The following NFYC variants were observed in gnomAD, a reference collection of about 807,000 sequenced individuals.
The protein encoded by NFYC is nuclear transcription factor Y subunit gamma, also known as CAAT box DNA-binding protein subunit C.
In NFYC, 25 loss-of-function variants were observed where a neutral mutation model predicts 53.1. The observed-to-expected ratio is 0.47, with a 90% CI of 0.34 to 0.66. The LOEUF (loss-of-function observed/expected upper bound fraction) is 0.66. Ranked by LOEUF, NFYC falls within the 30% of genes least tolerant of loss-of-function variation. NFYC has a pLI of 0.01. For missense variants in NFYC, 260 were observed against 422.7 expected, an observed-to-expected ratio of 0.62 and a Z score of 3.38; for synonymous variants, 145 against 152.6, an observed-to-expected ratio of 0.95 and a Z score of 0.37.
chr1:40,765,256 G>T (rs1181339260), intron 7 of NFYC, among the ~76,000 whole-genome samples: 4 of 152,326 alleles, frequency 2.6e-5, no homozygotes, highest in Admixed American at 6.5e-5. Flanking sequence ...ATGACTGCAG[G>T]TCCTAATACT....
chr1:40,712,657 C>CG (rs1171425155), intron 1 of NFYC: 3 of 112,028 alleles, frequency 2.7e-5, no homozygotes, highest in Non-Finnish European at 3.6e-5. Flanking sequence ...GGGATTAATG[C>CG]CTTTTTTTTT....
chr1:40,712,018 G>A (rs200528168), intron 1 of NFYC, among the ~76,000 whole-genome samples: 1 of 152,158 alleles, frequency 6.6e-6, no homozygotes, highest in African/African-American at 2.4e-5. Flanking sequence ...ATTTAGTGGC[G>A]AGTCTTGAAT....
At position 40,771,148 on chromosome 1, in the gene NFYC, T is replaced by G. The variant is rs142519404; in HGVS notation, c.*320T>G. 1.3e-5 allele frequency: 5 copies of G among 397,096 alleles called. No homozygotes were observed. The highest frequency in any genetic ancestry group is 1.0e-4 in the African/African-American group (5 of 49,172). The allele number at this position is 397,096 out of a possible 1,614,324, so 24.6% of individuals were successfully genotyped here. On this transcript the variant is annotated 3_prime_UTR_variant, in exon 10 of 10. Coordinates refer to ENST00000447388, the MANE Select transcript of NFYC (RefSeq NM_014223.5). ...CTTGAAGAGTGTGGTTGAAGAAATA[T>G]TTCTCCTTTTGTTTTTCTTTTTTTT... is the stretch of plus-strand genomic sequence containing the variant.
chr1:40,707,654 G>T (rs1007384851), intron 1 of NFYC, among the ~76,000 whole-genome samples: 2 of 133,528 alleles, frequency 1.5e-5, no homozygotes, highest in African/African-American at 5.4e-5. Context: ...TTTAAAAAAA[G>T]AAAAAAAAAA....
At chr1:40,722,300 A>G (rs1034100647) in intron 1 of NFYC, among the ~76,000 whole-genome samples, 6 of 152,188 alleles carry the variant, frequency 3.9e-5, no homozygotes, top group Non-Finnish European at 8.8e-5. Context: ...GAACGTTCCC[A>G]TGTTCAGCTT....
At chr1:40,744,734 A>G (rs778877939) in intron 2 of NFYC, among the ~76,000 whole-genome samples, 4 of 152,218 alleles carry the variant, frequency 2.6e-5, no homozygotes, top group Non-Finnish European at 4.4e-5. Context: ...CTGTTCTTCC[A>G]GTTGAATCAG....
intron 1 of NFYC, among the ~76,000 whole-genome samples, chr1:40,700,906 C>T (rs1290453753): frequency 2.0e-5 from 3 of 152,088 alleles, no homozygotes; most frequent in Non-Finnish European, 4.4e-5. Flanking sequence ...CCACTGTGTC[C>T]CCTTCTCCAG....
chr1:40,765,576 T>TC (rs1388001316), intron 7 of NFYC, among the ~76,000 whole-genome samples: 23 of 152,176 alleles, frequency 1.5e-4, no homozygotes, highest in Non-Finnish European at 2.8e-4. Context: ...ACAAGAAGCT[T>TC]CCCCTTGCAA....
rs189787200 is a variant in NFYC, at chr1:40,719,169, C to T, written c.-8-19667C>T. 5.6e-4 allele frequency among the ~76,000 whole-genome samples: 85 copies of T among 152,286 alleles called. 2 individuals are homozygous for T. In the East Asian group the frequency reaches 0.01, roughly 19 times the overall value. ...CAGGCGTGAGCCACGGCGCCTGGCC[C>T]ATGGTGTTCTTAAATAATCCGTTGC... is the stretch of plus-strand genomic sequence containing the variant. On this transcript the variant is annotated intron_variant, in intron 1 of 9. Transcript: ENST00000447388.
At chr1:40,698,509 C>G (rs1164511846) in intron 1 of NFYC, among the ~76,000 whole-genome samples, 1 of 151,766 alleles carries the variant, frequency 6.6e-6, no homozygotes, top group Non-Finnish European at 1.5e-5. Flanking sequence ...TCACTGCAAC[C>G]TCTGCCTTTT....
intron 1 of NFYC, among the ~76,000 whole-genome samples, chr1:40,708,879 G>A (rs1471088825): frequency 6.6e-6 from 1 of 152,114 alleles, no homozygotes; most frequent in Non-Finnish European, 1.5e-5. Flanking sequence ...TTGCTTCTCT[G>A]GTCTATTGCC....
chr1:40,756,009 A>G (rs892723075), intron 5 of NFYC, among the ~76,000 whole-genome samples: 4 of 152,088 alleles, frequency 2.6e-5, no homozygotes, highest in Admixed American at 1.3e-4. Flanking sequence ...CCTGCTGCCT[A>G]GCTTCCTACA....
At chr1:40,744,361 A>G (rs78244370) in intron 2 of NFYC, among the ~76,000 whole-genome samples, 3,597 of 152,280 alleles carry the variant, frequency 0.024, 66 homozygotes, top group Middle Eastern at 0.058. Flanking sequence ...TTGTTTTTCA[A>G]AAGCTTTTCA....
chr1:40,735,848 C>A, intron 1 of NFYC: 6 of 568,762 alleles, frequency 1.1e-5, no homozygotes, highest in South Asian at 7.8e-5. Flanking sequence ...TCACTGTCTT[C>A]ATTTTCATGA....
chr1:40,766,203 G>A (rs1557935532), intron 7 of NFYC: 2 of 178,708 alleles, frequency 1.1e-5, no homozygotes. Flanking sequence ...TCTCTTTACA[G>A]ATGGGAGCGA....
chr1:40,717,178 A>G (rs1422988058), intron 1 of NFYC, among the ~76,000 whole-genome samples: 1 of 152,210 alleles, frequency 6.6e-6, no homozygotes, highest in South Asian at 2.1e-4. Flanking sequence ...GAGAATTGAC[A>G]GAAGACTAGT....
chr1:40,754,572 T>G (rs1237645692), intron 5 of NFYC: 1 of 382,344 alleles, frequency 2.6e-6, no homozygotes, highest in Non-Finnish European at 5.4e-6. Context: ...GCCATTTATC[T>G]TCCTTCAGAA....
At chr1:40,694,155 T>G (rs1422590109) in intron 1 of NFYC, among the ~76,000 whole-genome samples, 1 of 152,246 alleles carries the variant, frequency 6.6e-6, no homozygotes, top group East Asian at 1.9e-4. Context: ...AAGTGCCTAG[T>G]GTAAAGAGCT....
At chr1:40,742,093 A>G (rs1475545616) in intron 2 of NFYC, among the ~76,000 whole-genome samples, 1 of 151,798 alleles carries the variant, frequency 6.6e-6, no homozygotes, top group Admixed American at 6.6e-5. Context: ...AATCTTATGT[A>G]GAGATGGAGG....
Sources: gnomAD v4.1 joint callset for allele counts (sites outside exome capture counted in the v4.1 genomes callset) on GRCh38, gnomAD v4.1.1 for gene constraint, MANE v1.5 for transcripts, NCBI Gene and HGNC (gene_info 2026-07-23, HGNC 2026-07-21) for gene names.